Variants in RCAN1 observed in about 807,000 individuals in gnomAD.
The protein encoded by RCAN1 is regulator of calcineurin 1.
Under a neutral mutation model 22.9 loss-of-function variants are expected in RCAN1, and 11 were observed. The ratio of observed to expected loss-of-function variants is 0.48; its 90% confidence interval spans 0.30 to 0.79. RCAN1 has a LOEUF of 0.79. Among genes scored for constraint, RCAN1 ranks in the 30% least tolerant of loss-of-function variants. RCAN1 has a pLI of 0.06. For missense variants in RCAN1, 291 were observed against 337.8 expected (o/e 0.86, Z 1.09); for synonymous variants, 136 against 142.3 (o/e 0.96, Z 0.32).
intron 1 of RCAN1, among the ~76,000 whole-genome samples, chr21:34,588,047 T>C (rs372049606): frequency 1.3e-5 from 2 of 152,320 alleles, no homozygotes; most frequent in East Asian, 1.9e-4. Context: ...CCTGGAGATT[T>C]TGGACTTGCC....
rs56236946 is a variant in RCAN1, at chr21:34,556,429, A to AAATAATAATAATAATAAT, written c.253-32737_253-32720dup. Among the ~76,000 whole-genome samples the AAATAATAATAATAATAAT allele has an allele frequency of 4.4e-3, 645 of 145,540 alleles. 2 individuals are homozygous for AAATAATAATAATAATAAT. The highest frequency in any genetic ancestry group is 9.9e-3 in the East Asian group (49 of 4,942). On this transcript the variant is annotated intron_variant, in intron 1 of 3. Coordinates refer to ENST00000313806, the MANE Select transcript of RCAN1 (RefSeq NM_004414.7). ...TGACAGACTGAGACCTTGTCTCAAA[A>AAATAATAATAATAATAAT]AATAATAATAATAATAATAATAATA...
In RCAN1 at chr21:34,614,141, G is replaced by GCAAGC. The variant is rs1225068511; in HGVS notation, c.252+614_252+618dup. ...CATGTACTGGGTGTCCCCGATGGCG[G>GCAAGC]CAAGCCACACCTTCACACAAGGGGG... On this transcript the variant is annotated intron_variant, in intron 1 of 3. Transcript: ENST00000313806. The surrounding 1 kb of genome is among the most constrained non-coding windows in gnomAD (Gnocchi z 6.0). The GCAAGC allele has an allele frequency of 1.3e-6, 1 of 772,466 alleles. No individual in the cohort carries two copies. The highest frequency in any genetic ancestry group is 5.2e-5 in the Admixed American group (1 of 19,154). The allele number at this position is 772,466 out of a possible 1,614,324, so 47.9% of individuals were successfully genotyped here. A position where few individuals can be genotyped will look rare whatever the true frequency, so the allele number is the denominator to read the frequency against.
Position 34,548,815 on chromosome 21 carries a change from A to G in RCAN1, c.253-25105T>C, listed in dbSNP as rs545186403. ...AGGAATCTTAAATTCTCTTAGTGCC[A>G]TCTAAATAAAACTGTATTTCTTCTA... On this transcript the variant is annotated intron_variant, in intron 1 of 3. Transcript: ENST00000313806. 1.8e-3 allele frequency among the ~76,000 whole-genome samples: 281 copies of G among 152,336 alleles called. 2 individuals are homozygous for G. Among genetic ancestry groups the G allele is most frequent in the South Asian group, 3.1e-3 (15 of 4,826 alleles).
chr21:34,532,286 T>A (rs1017534623), intron 1 of RCAN1, among the ~76,000 whole-genome samples: 1 of 152,106 alleles, frequency 6.6e-6, no homozygotes, highest in East Asian at 1.9e-4. Context: ...CTGGGTTTTA[T>A]AAGGAAGTGC....
Position 34,581,077 on chromosome 21 carries a change from C to T in RCAN1, c.252+33683G>A, listed in dbSNP as rs76703461. On this transcript the variant is annotated intron_variant, in intron 1 of 3. Transcript: ENST00000313806. ...TAAGTCCTTGTGGAGATGGACCCAC[C>T]GTTGTCTCAGAGATGCCTTAGTCTC... Among the ~76,000 whole-genome samples, 1,155 of 152,174 alleles carry T rather than the reference C, an allele frequency of 7.6e-3. 4 individuals carry two copies. Among genetic ancestry groups the T allele is most frequent in the Non-Finnish European group, 0.012 (833 of 68,010 alleles).
rs189400160 is a variant in RCAN1 at position 34,557,097 on chromosome 21, C to T, written c.253-33387G>A. Among the ~76,000 whole-genome samples, 15 of 152,282 alleles carry T rather than the reference C, an allele frequency of 9.9e-5. 1 individual carries two copies. The highest frequency in any genetic ancestry group is 3.6e-4 in the African/African-American group (15 of 41,546). On this transcript the variant is annotated intron_variant, in intron 1 of 3. Transcript: ENST00000313806. ...GTATGGTGGTACACGCCTGTAATCTCAGCTACTCGGGAGGCTGAGGCAGGA... is the reference window on the plus strand; with the variant it reads ...GTATGGTGGTACACGCCTGTAATCTTAGCTACTCGGGAGGCTGAGGCAGGA...
In RCAN1 at chr21:34,614,480, AC is replaced by A. The variant is rs145413937; in HGVS notation, c.252+279del. 7.1e-3 allele frequency: 7,276 copies of A among 1,028,500 alleles called. 252 individuals carry two copies. The South Asian group carries it at 0.11, about 15-fold the overall frequency. 63.7% of individuals were successfully genotyped at this position (1,028,500 alleles called of 1,614,324 possible). A position where few individuals can be genotyped will look rare whatever the true frequency, so the allele number is the denominator to read the frequency against. On this transcript the variant is annotated intron_variant, in intron 1 of 3. Transcript: ENST00000313806. The surrounding 1 kb of genome is among the most constrained non-coding windows in gnomAD (Gnocchi z 6.0). ...CTGCCCCACCTTGGGGAGCGAATTC[AC>A]CCCCCTAGTCGCACCAGCCTGGGCG...
At chr21:34,569,081 AG>A (rs1987142137) in intron 1 of RCAN1, among the ~76,000 whole-genome samples, 1 of 152,238 alleles carries the variant, frequency 6.6e-6, no homozygotes, top group African/African-American at 2.4e-5. Flanking sequence ...ATCTCCCACC[AG>A]GTCCCTCCCA....
intron 1 of RCAN1, among the ~76,000 whole-genome samples, chr21:34,543,977 A>G (rs776864846): frequency 6.6e-6 from 1 of 152,240 alleles, no homozygotes; most frequent in East Asian, 1.9e-4. Flanking sequence ...TTATCTCTAG[A>G]CTGAATCCTA....
chr21:34,529,641 A>G (rs886712379), intron 1 of RCAN1, among the ~76,000 whole-genome samples: 5 of 152,168 alleles, frequency 3.3e-5, no homozygotes, highest in Non-Finnish European at 5.9e-5. Flanking sequence ...TGACTTTCCT[A>G]CTTGTATATT....
At chr21:34,585,904 T>G (rs1987778121) in intron 1 of RCAN1, among the ~76,000 whole-genome samples, 1 of 152,100 alleles carries the variant, frequency 6.6e-6, no homozygotes, top group Admixed American at 6.5e-5. Context: ...TGGCACATCA[T>G]GCAAAATAGA....
At chr21:34,527,129 C>A (rs1342795606) in intron 1 of RCAN1, among the ~76,000 whole-genome samples, 1 of 152,162 alleles carries the variant, frequency 6.6e-6, no homozygotes, top group Non-Finnish European at 1.5e-5. Flanking sequence ...GTAGTAATTC[C>A]ATTCAGCTAC....
At chr21:34,558,816 C>T (rs1023990350) in intron 1 of RCAN1, among the ~76,000 whole-genome samples, 2 of 152,098 alleles carry the variant, frequency 1.3e-5, no homozygotes, top group Non-Finnish European at 2.9e-5. Flanking sequence ...CCCTGTCTGT[C>T]GCAAAATCAA....
intron 2 of RCAN1, 97 bp from the exon 3 acceptor site, chr21:34,521,755 A>G: frequency 9.9e-7 from 1 of 1,014,780 alleles, no homozygotes; most frequent in South Asian, 1.6e-5. Context: ...GGGCAGGTCA[A>G]TGTCCAGGCG....
In RCAN1 at chr21:34,518,115, C is replaced by T; in HGVS notation, c.728G>A (p.Arg243Lys). ...GAGGTGGATCGGCGTGTACTCCGGCCTCCTGGTCTGGATAATTTTTGGCTT... is the reference window on the plus strand; with the variant it reads ...GAGGTGGATCGGCGTGTACTCCGGCTTCCTGGTCTGGATAATTTTTGGCTT... Reference protein sequence around the residue: ...RPKPKIIQTRRPEYTPIHLS With the variant: ...RPKPKIIQTRKPEYTPIHLS Residue 243 changes from arginine to lysine, a missense_variant, in exon 4 of 4, where the codon AGG becomes AAG. Transcript: ENST00000313806. This position sits in a 1 kb window ranked among gnomAD's most constrained non-coding sequence, Gnocchi z 4.2. 6.2e-6 allele frequency: 10 copies of T among 1,614,236 alleles called. No individual in the cohort carries two copies. Among genetic ancestry groups the T allele is most frequent in the Non-Finnish European group, 8.5e-6 (10 of 1,180,048 alleles).
At chr21:34,560,268 A>C (rs1321314059) in intron 1 of RCAN1, 2 of 152,206 alleles carry the variant, frequency 1.3e-5, no homozygotes, top group African/African-American at 2.4e-5. Flanking sequence ...AGTCCCAGGG[A>C]AAGAAGTCCA....
chr21:34,585,754 A>AG (rs1348660310), intron 1 of RCAN1, among the ~76,000 whole-genome samples: 2 of 151,018 alleles, frequency 1.3e-5, no homozygotes, highest in East Asian at 3.9e-4. Context: ...AAAAAAAAAA[A>AG]AAAAAAAAAA....
At position 34,593,377 on chromosome 21, in the gene RCAN1, C is replaced by T. The variant is rs531583818; in HGVS notation, c.252+21383G>A. 7.2e-5 allele frequency among the ~76,000 whole-genome samples: 11 copies of T among 152,348 alleles called. No individual in the cohort carries two copies. In the South Asian group the frequency reaches 1.0e-3, roughly 14 times the overall value. ...TGTTCTCACCATATGCAAGGCTCATCCTCCTCCAACCTTCTCAATACATCA... is the reference window on the plus strand; with the variant it reads ...TGTTCTCACCATATGCAAGGCTCATTCTCCTCCAACCTTCTCAATACATCA... On this transcript the variant is annotated intron_variant, in intron 1 of 3. Coordinates refer to ENST00000313806, the MANE Select transcript of RCAN1 (RefSeq NM_004414.7).
At chr21:34,599,816 G>A (rs1285091270) in intron 1 of RCAN1, among the ~76,000 whole-genome samples, 1 of 152,166 alleles carries the variant, frequency 6.6e-6, no homozygotes, top group Non-Finnish European at 1.5e-5. Flanking sequence ...TATAGTTGGT[G>A]CCTACTATCA....
Sources: allele counts gnomAD v4.1 joint callset (sites outside exome capture counted in the v4.1 genomes callset), GRCh38; gene constraint gnomAD v4.1.1; non-coding constraint Gnocchi (gnomAD v3.1); transcripts MANE v1.5; gene names NCBI Gene and HGNC (gene_info 2026-07-23, HGNC 2026-07-21).